CDH2: variants seen among roughly 807,000 people sequenced by gnomAD.
CDH2 encodes cadherin 2.
Under a neutral mutation model 92.0 loss-of-function variants are expected in CDH2, and 17 were observed. The observed-to-expected ratio is 0.18, with a 90% CI of 0.13 to 0.28. CDH2 has a LOEUF of 0.28. Among genes scored for constraint, CDH2 ranks in the 10% least tolerant of loss-of-function variants. The pLI is 1.00. For missense variants in CDH2, 862 were observed against 1,133.1 expected (o/e 0.76, Z 3.44); for synonymous variants, 419 against 415.9 (o/e 1.01, Z -0.09).
At chr18:28,074,246 C>G (rs1265705505) in intron 2 of CDH2, among the ~76,000 whole-genome samples, 2 of 152,112 alleles carry the variant, frequency 1.3e-5, no homozygotes, top group Admixed American at 6.6e-5. Flanking sequence ...AAGGCCTCAG[C>G]TAGTTTGAAT....
intron 2 of CDH2, among the ~76,000 whole-genome samples, chr18:28,053,813 T>C (rs1011611887): frequency 1.3e-5 from 2 of 152,204 alleles, no homozygotes; most frequent in Admixed American, 6.5e-5. Context: ...TGGAAGGACA[T>C]TGATGGTGAA....
At position 28,112,906 on chromosome 18, in the gene CDH2, C is replaced by T. The variant is rs140152090; in HGVS notation, c.172+34767G>A. Among the ~76,000 whole-genome samples the T allele has an allele frequency of 1.1e-3, 161 of 152,026 alleles. No individual in the cohort carries two copies. The Middle Eastern group carries it at 0.02, about 19-fold the overall frequency. ...AGAAAAGTCAACAGCAGAGACAACA[C>T]AGAAAAAGGAATCAAAGAGGCCAAA... On this transcript the variant is annotated intron_variant, in intron 2 of 15. Transcript: ENST00000269141.
chr18:28,025,014 A>G (rs1456325414), intron 2 of CDH2, among the ~76,000 whole-genome samples: 1 of 152,192 alleles, frequency 6.6e-6, no homozygotes, highest in Non-Finnish European at 1.5e-5. Context: ...ATAGTGAAAA[A>G]CAAATACTTG....
chr18:27,991,001 T>C (rs1404782434), intron 9 of CDH2, among the ~76,000 whole-genome samples: 1 of 152,186 alleles, frequency 6.6e-6, no homozygotes, highest in Non-Finnish European at 1.5e-5. Flanking sequence ...GGAATATTTC[T>C]GGATATTTTA....
chr18:28,132,643 G>A (rs8094439), intron 2 of CDH2, among the ~76,000 whole-genome samples: 37,882 of 152,042 alleles, frequency 0.25, 4,897 homozygotes, highest in Middle Eastern at 0.37. Context: ...GGTGGACTTA[G>A]CCCCTCCTAA....
chr18:28,091,691 G>T (rs2144212588), intron 2 of CDH2, among the ~76,000 whole-genome samples: 1 of 152,142 alleles, frequency 6.6e-6, no homozygotes, highest in African/African-American at 2.4e-5. Context: ...AATGGCTTTG[G>T]GACGTTCTCA....
At chr18:27,961,473 G>A (rs2011402496) in intron 15 of CDH2, among the ~76,000 whole-genome samples, 1 of 152,044 alleles carries the variant, frequency 6.6e-6, no homozygotes, top group Admixed American at 6.6e-5. Flanking sequence ...TGAAGGCGAA[G>A]TGGCAGTCCT....
intron 2 of CDH2, among the ~76,000 whole-genome samples, chr18:28,031,743 A>G (rs1157748070): frequency 6.6e-6 from 1 of 152,132 alleles, no homozygotes; most frequent in Non-Finnish European, 1.5e-5. Flanking sequence ...GACGAAATCC[A>G]TGTTAAAAAT....
chr18:28,121,226 C>A (rs2015583260), intron 2 of CDH2, among the ~76,000 whole-genome samples: 1 of 152,078 alleles, frequency 6.6e-6, no homozygotes, highest in African/African-American at 2.4e-5. Context: ...GAGATCATTA[C>A]AAATGACATG....
intron 2 of CDH2, among the ~76,000 whole-genome samples, chr18:28,126,544 T>C (rs1412486748): frequency 6.6e-6 from 1 of 152,180 alleles, no homozygotes; most frequent in Non-Finnish European, 1.5e-5. Flanking sequence ...CGAGACATTA[T>C]CTGGAATTCA....
chr18:28,081,869 T>G (rs1453889120), intron 2 of CDH2, among the ~76,000 whole-genome samples: 3 of 152,190 alleles, frequency 2.0e-5, no homozygotes, highest in African/African-American at 7.2e-5. Context: ...AGGTTACACA[T>G]TTTAGAACAG....
intron 2 of CDH2, among the ~76,000 whole-genome samples, chr18:28,040,711 C>T (rs1329314445): frequency 6.6e-6 from 1 of 152,094 alleles, no homozygotes; most frequent in Non-Finnish European, 1.5e-5. Flanking sequence ...CAAATATTGC[C>T]CTACTAAGTG....
chr18:27,960,391 G>A (rs1406595550), intron 15 of CDH2, among the ~76,000 whole-genome samples: 1 of 152,156 alleles, frequency 6.6e-6, no homozygotes, highest in African/African-American at 2.4e-5. Flanking sequence ...TCTTGTAGAT[G>A]GGCACCAGCA....
chr18:28,177,061 G>T lies in CDH2; in HGVS notation c.-39C>A. On this transcript the variant is annotated 5_prime_UTR_variant, in exon 1 of 16. Transcript: ENST00000269141. ...GGCCGAGCGAAGAGCCGGAGGAGGC[G>T]GCGGCGGCGGCGGCGGCGGCGGAGG... 1 of 1,228,372 alleles carries T rather than the reference G, an allele frequency of 8.1e-7. No homozygotes were observed. Among genetic ancestry groups the T allele is most frequent in the South Asian group, 1.5e-5 (1 of 64,702 alleles). The allele number at this position is 1,228,372 out of a possible 1,614,324, so 76.1% of individuals were successfully genotyped here. A position where few individuals can be genotyped will look rare whatever the true frequency, so the allele number is the denominator to read the frequency against.
intron 2 of CDH2, among the ~76,000 whole-genome samples, chr18:28,062,319 A>C (rs2014419540): frequency 6.6e-6 from 1 of 152,244 alleles, no homozygotes; most frequent in Non-Finnish European, 1.5e-5. Flanking sequence ...TTTGTCCAAT[A>C]AATGAAACAA....
At chr18:28,144,644 C>T (rs1023791915) in intron 2 of CDH2, among the ~76,000 whole-genome samples, 3 of 152,054 alleles carry the variant, frequency 2.0e-5, no homozygotes, top group Non-Finnish European at 2.9e-5. Flanking sequence ...TTAGAAACAA[C>T]CTGTATGTTC....
intron 2 of CDH2, among the ~76,000 whole-genome samples, chr18:28,058,412 G>C (rs1045496567): frequency 1.3e-5 from 2 of 152,132 alleles, no homozygotes; most frequent in African/African-American, 4.8e-5. Context: ...GTAAAGCTTA[G>C]GACCTTGCCT....
rs565261913 is a variant in CDH2, at chr18:28,037,417, C to T, written c.173-23508G>A. 5.9e-5 allele frequency among the ~76,000 whole-genome samples: 9 copies of T among 152,184 alleles called. No individual in the cohort carries two copies. In the South Asian group the frequency reaches 1.0e-3, roughly 18 times the overall value. ...GTCAGATGTCTTGTTTTTAAACATC[C>T]CCCTTTTAACAATCAACTTTCTAGT... On this transcript the variant is annotated intron_variant, in intron 2 of 15. Coordinates refer to ENST00000269141, the MANE Select transcript of CDH2 (RefSeq NM_001792.5).
chr18:28,069,143 T>C (rs1275276115), intron 2 of CDH2, among the ~76,000 whole-genome samples: 2 of 152,188 alleles, frequency 1.3e-5, no homozygotes, highest in African/African-American at 4.8e-5. Flanking sequence ...AAAGTAAAGA[T>C]GCACATTATT....
Sources: allele counts gnomAD v4.1 joint callset (sites outside exome capture counted in the v4.1 genomes callset), GRCh38; gene constraint gnomAD v4.1.1; transcripts MANE v1.5; gene names NCBI Gene and HGNC (gene_info 2026-07-23, HGNC 2026-07-21).